Variants in SLC35A3 observed in about 807,000 individuals in gnomAD.
SLC35A3 encodes UDP-N-acetylglucosamine transporter.
SLC35A3 carries 26 observed loss-of-function variants against 39.0 expected under a neutral mutation model. The observed-to-expected ratio is 0.67, with a 90% CI of 0.49 to 0.92. The LOEUF (loss-of-function observed/expected upper bound fraction) is 0.92. SLC35A3 is among the 40% of genes least tolerant of loss of function. The pLI is 0.00. For missense variants in SLC35A3, 299 were observed against 371.6 expected (o/e 0.80, Z 1.61); for synonymous variants, 135 against 133.1 (o/e 1.01, Z -0.10).
chr1:100,027,205 A>C lies in SLC35A3; in HGVS notation c.*4729A>C. ...AGTGGCTCATTCCTGTAATCCCAAC[A>C]CTTTAGGAAGCCAAGGCAGAAGAAT... On this transcript the variant is annotated 3_prime_UTR_variant, in exon 8 of 8. Coordinates refer to ENST00000533028, the MANE Select transcript of SLC35A3 (RefSeq NM_012243.3). 2.5e-6 allele frequency: 1 copy of C among 398,616 alleles called. No individual in the cohort carries two copies. 24.7% of individuals were successfully genotyped at this position (398,616 alleles called of 1,614,324 possible).
chr1:100,015,626 T>A, intron 6 of SLC35A3: 2 of 472,630 alleles, frequency 4.2e-6, no homozygotes, highest in Non-Finnish European at 6.8e-6. Context: ...TAATGAACTT[T>A]GTGGTTTTAA....
At chr1:99,995,393 T>A (rs1293209727) in intron 2 of SLC35A3, among the ~76,000 whole-genome samples, 3 of 152,082 alleles carry the variant, frequency 2.0e-5, no homozygotes, top group Non-Finnish European at 4.4e-5. Flanking sequence ...CCTCAGGTGA[T>A]CTGCCCACCT....
At chr1:99,993,840 C>A in intron 2 of SLC35A3, 99 bp downstream of exon 2, 1 of 1,009,500 alleles carries the variant, frequency 9.9e-7, no homozygotes, top group Non-Finnish European at 1.5e-6. Flanking sequence ...TGTCGAATGG[C>A]CTAGTATGAA....
chr1:100,017,294 G>A (rs774215317), intron 6 of SLC35A3, among the ~76,000 whole-genome samples: 42 of 152,312 alleles, frequency 2.8e-4, no homozygotes, highest in African/African-American at 9.6e-4. Flanking sequence ...TTGAAAGGCT[G>A]TAAAATGACT....
intron 6 of SLC35A3, among the ~76,000 whole-genome samples, chr1:100,017,030 G>T (rs1427996854): frequency 6.6e-6 from 1 of 152,224 alleles, no homozygotes; most frequent in African/African-American, 2.4e-5. Context: ...TGTTTTGAAA[G>T]TTGTTGCAGT....
intron 1 of SLC35A3, among the ~76,000 whole-genome samples, chr1:99,976,537 A>T (rs1346190805): frequency 2.0e-5 from 3 of 152,216 alleles, no homozygotes; most frequent in African/African-American, 7.2e-5. Context: ...CACTATTCAC[A>T]ATAGCAAAGA....
rs1389398033 is a variant in SLC35A3 at position 100,026,376 on chromosome 1, A to G, written c.*3900A>G. On this transcript the variant is annotated 3_prime_UTR_variant, in exon 8 of 8. Coordinates refer to ENST00000533028, the MANE Select transcript of SLC35A3 (RefSeq NM_012243.3). ...AATCTCCAGGTTATTTAAAGTAGTT[A>G]TAGGAGCAGAGAACAAGCACCTTTA... 6.6e-6 allele frequency: 1 copy of G among 152,136 alleles called. No individual in the cohort carries two copies. The highest frequency in any genetic ancestry group is 1.9e-4 in the East Asian group (1 of 5,206). 9.4% of individuals were successfully genotyped at this position (152,136 alleles called of 1,614,324 possible). A position where few individuals can be genotyped will look rare whatever the true frequency, so the allele number is the denominator to read the frequency against.
chr1:100,026,917 C>T lies in SLC35A3; in HGVS notation c.*4441C>T, dbSNP rs1660944043. 2 of 333,166 alleles carry T rather than the reference C, an allele frequency of 6.0e-6. No individual in the cohort carries two copies. Among genetic ancestry groups the T allele is most frequent in the Non-Finnish European group, 1.1e-5 (2 of 186,782 alleles). The allele number at this position is 333,166 out of a possible 1,614,324, so 20.6% of individuals were successfully genotyped here. A position where few individuals can be genotyped will look rare whatever the true frequency, so the allele number is the denominator to read the frequency against. On this transcript the variant is annotated 3_prime_UTR_variant, in exon 8 of 8. Coordinates refer to ENST00000533028, the MANE Select transcript of SLC35A3 (RefSeq NM_012243.3). ...ACTTCTCTTGTCATTTTTTGGTATC[C>T]AGCTATTACCTATTTAATAGATTTA...
chr1:100,022,559 T>G lies in SLC35A3; in HGVS notation c.*83T>G. 1.5e-6 allele frequency: 1 copy of G among 665,870 alleles called. No homozygotes were observed. The highest frequency in any genetic ancestry group is 2.6e-6 in the Non-Finnish European group (1 of 382,154). The allele number at this position is 665,870 out of a possible 1,614,324, so 41.2% of individuals were successfully genotyped here. On this transcript the variant is annotated 3_prime_UTR_variant, in exon 8 of 8. Transcript: ENST00000533028. ...TCTTGCACAGAGGACTTCTACAGAG[T>G]CTGAGAAGATATCATCATGCTGAAT...
intron 1 of SLC35A3, among the ~76,000 whole-genome samples, chr1:99,971,840 CTCTT>C (rs987531329): frequency 6.6e-6 from 1 of 152,152 alleles, no homozygotes; most frequent in African/African-American, 2.4e-5. Context: ...TAAATGCCAT[CTCTT>C]TCTTATGCAG....
chr1:99,995,140 CT>C (rs1658320620), intron 2 of SLC35A3, among the ~76,000 whole-genome samples: 2 of 130,886 alleles, frequency 1.5e-5, no homozygotes, highest in Non-Finnish European at 3.3e-5. Flanking sequence ...TTCTTTCTTT[CT>C]TTCTTTCTTT....
At position 100,029,026 on chromosome 1, in the gene SLC35A3, A is replaced by G. The variant is rs746941851; in HGVS notation, c.*6550A>G. 2.6e-5 allele frequency: 4 copies of G among 152,214 alleles called. No individual in the cohort carries two copies. The highest frequency in any genetic ancestry group is 4.4e-5 in the Non-Finnish European group (3 of 68,044). 9.4% of individuals were successfully genotyped at this position (152,214 alleles called of 1,614,324 possible). On this transcript the variant is annotated 3_prime_UTR_variant, in exon 8 of 8. Transcript: ENST00000533028. ...TCCTGACCACAATGTTTGACAGTAC[A>G]CACATAGTATTGCCATTCAGGGAAG...
Position 100,024,550 on chromosome 1 carries a change from CAAAA to C in SLC35A3, c.*2085_*2088del. ...TGGGTGACAGAGCGAGACTCCGTCT[CAAAA>C]AAAAAAAAAAGAAAACACACACACA... On this transcript the variant is annotated 3_prime_UTR_variant, in exon 8 of 8. Coordinates refer to ENST00000533028, the MANE Select transcript of SLC35A3 (RefSeq NM_012243.3). 1.1e-5 allele frequency: 1 copy of C among 87,022 alleles called. No homozygotes were observed. Among genetic ancestry groups the C allele is most frequent in the Non-Finnish European group, 2.2e-5 (1 of 46,078 alleles). 5.4% of individuals were successfully genotyped at this position (87,022 alleles called of 1,614,324 possible).
intron 3 of SLC35A3, among the ~76,000 whole-genome samples, chr1:99,999,967 A>T (rs934288125): frequency 3.5e-4 from 53 of 152,086 alleles, no homozygotes; most frequent in African/African-American, 1.3e-3. Context: ...GTATTTCTTT[A>T]TGCATTTATC....
At chr1:100,006,004 A>G (rs188762789) in intron 3 of SLC35A3, among the ~76,000 whole-genome samples, 1 of 152,110 alleles carries the variant, frequency 6.6e-6, no homozygotes, top group African/African-American at 2.4e-5. Context: ...AGGGAAAGAC[A>G]TTTTCTCACA....
intron 1 of SLC35A3, among the ~76,000 whole-genome samples, chr1:99,976,828 G>A (rs1657132070): frequency 6.6e-6 from 1 of 152,140 alleles, no homozygotes; most frequent in South Asian, 2.1e-4. Context: ...GGTTGGAGGA[G>A]GGTAAGGATT....
Position 99,993,740 on chromosome 1 carries a change from C to A in SLC35A3, c.186C>A (p.Ser62Arg). 6.2e-7 allele frequency: 1 copy of A among 1,612,480 alleles called. No individual in the cohort carries two copies. Among genetic ancestry groups the A allele is most frequent in the Non-Finnish European group, 8.5e-7 (1 of 1,179,446 alleles). The change falls in exon 2 of 8, where the codon AGC (serine) becomes AGA (arginine). Residue 62 changes from serine (S) to arginine (R), a missense_variant and splice_region_variant. By Grantham distance (110) the Ser-to-Arg change is moderately radical. Transcript: ENST00000533028. Reference sequence around the variant, plus strand: ...GCATTTTATTGGTCTACAAAGACAGCAGTAGGTATCTAGGTTTTTTGTTTT... The same window carrying A: ...GCATTTTATTGGTCTACAAAGACAGAAGTAGGTATCTAGGTTTTTTGTTTT... ...MACILLVYKD[S>R]KCSLRALNRV...
chr1:100,007,075 T>G lies in SLC35A3; in HGVS notation c.384T>G (p.Ser128=), dbSNP rs2101309506. Residue 128 remains serine (S), a synonymous_variant, in exon 4 of 8, where the codon TCT becomes TCG. Coordinates refer to ENST00000533028, the MANE Select transcript of SLC35A3 (RefSeq NM_012243.3). ...QLKILTTALF[S]VSMLSKKLGV... ...AAATTCTTACAACAGCATTATTTTC[T>G]GTGTCTATGCTTAGTAAAAAATTGG... 1 of 1,610,640 alleles carries G rather than the reference T, an allele frequency of 6.2e-7. No individual in the cohort carries two copies. The highest frequency in any genetic ancestry group is 1.7e-5 in the Admixed American group (1 of 59,306).
Position 100,022,553 on chromosome 1 carries a change from A to G in SLC35A3, c.*77A>G. 1 of 727,114 alleles carries G rather than the reference A, an allele frequency of 1.4e-6. No individual in the cohort carries two copies. Among genetic ancestry groups the G allele is most frequent in the Non-Finnish European group, 2.4e-6 (1 of 423,874 alleles). The allele number at this position is 727,114 out of a possible 1,614,324, so 45.0% of individuals were successfully genotyped here. On this transcript the variant is annotated 3_prime_UTR_variant, in exon 8 of 8. Transcript: ENST00000533028. ...CATTAATCTTGCACAGAGGACTTCTACAGAGTCTGAGAAGATATCATCATG... is the reference window on the plus strand; with the variant it reads ...CATTAATCTTGCACAGAGGACTTCTGCAGAGTCTGAGAAGATATCATCATG...
Sources: allele counts gnomAD v4.1 joint callset (sites outside exome capture counted in the v4.1 genomes callset), GRCh38; gene constraint gnomAD v4.1.1; transcripts MANE v1.5; gene names NCBI Gene and HGNC (gene_info 2026-07-23, HGNC 2026-07-21).